The following INPP5A variants were observed in gnomAD, a reference collection of about 807,000 sequenced individuals.
INPP5A encodes inositol polyphosphate-5-phosphatase A.
In INPP5A, 14 loss-of-function variants were observed where a neutral mutation model predicts 65.2. The ratio of observed to expected loss-of-function variants is 0.21; its 90% confidence interval spans 0.14 to 0.34. The LOEUF (loss-of-function observed/expected upper bound fraction) is 0.34. Ranked by LOEUF, INPP5A falls within the 10% of genes least tolerant of loss-of-function variation. The pLI is 1.00. For synonymous variants in INPP5A, 207 were observed against 208.3 expected (o/e 0.99, Z 0.05); for missense variants, 431 against 545.6 (o/e 0.79, Z 2.09).
chr10:132,657,259 C>G (rs954790214), intron 4 of INPP5A, among the ~76,000 whole-genome samples: 5 of 152,258 alleles, frequency 3.3e-5, no homozygotes, highest in African/African-American at 1.2e-4. Flanking sequence ...CTCCCACCCG[C>G]TAGCGCTGCC....
intron 8 of INPP5A, among the ~76,000 whole-genome samples, chr10:132,723,704 C>G (rs975894218): frequency 3.1e-4 from 47 of 151,990 alleles, no homozygotes; most frequent in Admixed American, 5.9e-4. Context: ...GTGGGGATGG[C>G]TTTGGTATCT....
At chr10:132,599,890 C>T (rs1434437007) in intron 1 of INPP5A, among the ~76,000 whole-genome samples, 1 of 152,188 alleles carries the variant, frequency 6.6e-6, no homozygotes, top group African/African-American at 2.4e-5. Context: ...GTATGTTGGC[C>T]CCTTTTAGCC....
intron 1 of INPP5A, among the ~76,000 whole-genome samples, chr10:132,566,889 G>A (rs1316642299): frequency 2.6e-5 from 4 of 152,202 alleles, no homozygotes; most frequent in Admixed American, 1.3e-4. Flanking sequence ...ATGGAGAGAC[G>A]TTACTTGCAA....
chr10:132,721,744 T>G (rs1216677779), intron 8 of INPP5A, among the ~76,000 whole-genome samples: 1 of 151,392 alleles, frequency 6.6e-6, no homozygotes, highest in Admixed American at 6.6e-5. Flanking sequence ...TCTTCAGGGT[T>G]CTGTGGTGCC....
At position 132,623,174 on chromosome 10, in the gene INPP5A, C is replaced by T. The variant is rs192161049; in HGVS notation, c.117+15218C>T. 1.1e-3 allele frequency among the ~76,000 whole-genome samples: 170 copies of T among 152,204 alleles called. 1 individual carries two copies. Among genetic ancestry groups the T allele is most frequent in the Admixed American group, 2.6e-3 (40 of 15,292 alleles). ...AAATATACACAGGAAAGCAAAAGAACTAGAATAGCCAGAACAGTTAAAAAG... is the reference window on the plus strand; with the variant it reads ...AAATATACACAGGAAAGCAAAAGAATTAGAATAGCCAGAACAGTTAAAAAG... On this transcript the variant is annotated intron_variant, in intron 2 of 15. Coordinates refer to ENST00000368594, the MANE Select transcript of INPP5A (RefSeq NM_005539.5).
rs139503126 is a variant in INPP5A, at chr10:132,651,996, A to G, written c.306+1491A>G. ...CAAGGCCCTCACCCCTGTGCTCAGG[A>G]TGTAGCTCCTCCTGTCAGCCTTCCT... On this transcript the variant is annotated intron_variant, in intron 4 of 15. Coordinates refer to ENST00000368594, the MANE Select transcript of INPP5A (RefSeq NM_005539.5). The surrounding 1 kb of genome is among the most constrained non-coding windows in gnomAD (Gnocchi z 5.0). Among the ~76,000 whole-genome samples the G allele has an allele frequency of 8.0e-3, 1,213 of 152,086 alleles. 15 individuals are homozygous for G. Among genetic ancestry groups the G allele is most frequent in the African/African-American group, 0.028 (1,162 of 41,458 alleles).
intron 1 of INPP5A, among the ~76,000 whole-genome samples, chr10:132,559,112 C>T (rs530930137): frequency 1.3e-5 from 2 of 152,336 alleles, no homozygotes; most frequent in South Asian, 4.1e-4. Flanking sequence ...TGGCCACTCA[C>T]TGCCTCATGG....
intron 4 of INPP5A, among the ~76,000 whole-genome samples, chr10:132,660,049 G>A (rs2072715813): frequency 6.6e-6 from 1 of 152,206 alleles, no homozygotes; most frequent in Non-Finnish European, 1.5e-5. Context: ...CCGCCGACGC[G>A]TGGCCCACGG....
intron 4 of INPP5A, among the ~76,000 whole-genome samples, chr10:132,660,343 C>A (rs1167122859): frequency 6.6e-6 from 1 of 152,106 alleles, no homozygotes. Context: ...AAAATAATTG[C>A]CTCTGGGAAC....
chr10:132,676,347 C>T lies in INPP5A; in HGVS notation c.307-14045C>T, dbSNP rs1215353430. ...AAAGGCTCTGGGGCGTCACGTCTCC[C>T]TGTGGCCGAGGCTGCTGTTGTCTGG... On this transcript the variant is annotated intron_variant, in intron 4 of 15. Coordinates refer to ENST00000368594, the MANE Select transcript of INPP5A (RefSeq NM_005539.5). This position sits in a 1 kb window ranked among gnomAD's most constrained non-coding sequence, Gnocchi z 4.0. Among the ~76,000 whole-genome samples, 1 of 152,168 alleles carries T rather than the reference C, an allele frequency of 6.6e-6. No individual in the cohort carries two copies. The highest frequency in any genetic ancestry group is 1.5e-5 in the Non-Finnish European group (1 of 68,042).
intron 9 of INPP5A, among the ~76,000 whole-genome samples, chr10:132,733,789 T>G (rs1203091417): frequency 6.6e-6 from 1 of 152,220 alleles, no homozygotes; most frequent in African/African-American, 2.4e-5. Context: ...TGCCGGCCTC[T>G]GCACCTGAAC....
intron 9 of INPP5A, among the ~76,000 whole-genome samples, chr10:132,737,328 G>A (rs1057336949): frequency 4.6e-5 from 7 of 152,142 alleles, no homozygotes; most frequent in African/African-American, 1.2e-4. Context: ...CCTCAGCACC[G>A]TCTCCAGAGC....
intron 11 of INPP5A, among the ~76,000 whole-genome samples, chr10:132,752,697 GGGTGCGGCGTGGAGGC>G (rs1846517414): frequency 6.8e-6 from 1 of 147,696 alleles, no homozygotes; most frequent in Non-Finnish European, 1.5e-5. Context: ...GGCATGGAGG[GGGTGCGGCGTGGAGGC>G]GGTGCGGCAT....
chr10:132,658,873 C>T (rs1203743881), intron 4 of INPP5A, among the ~76,000 whole-genome samples: 1 of 152,050 alleles, frequency 6.6e-6, no homozygotes, highest in Non-Finnish European at 1.5e-5. Flanking sequence ...CCCGGTGGCT[C>T]CATGCACCCG....
At chr10:132,594,519 A>T (rs1419624211) in intron 1 of INPP5A, among the ~76,000 whole-genome samples, 1 of 149,870 alleles carries the variant, frequency 6.7e-6, no homozygotes, top group Non-Finnish European at 1.5e-5. Flanking sequence ...GTGCGTTTGC[A>T]TGCCTGTGCA....
In INPP5A at chr10:132,727,538, C is replaced by T. The variant is rs546337898; in HGVS notation, c.732+633C>T. On this transcript the variant is annotated intron_variant, in intron 9 of 15. Coordinates refer to ENST00000368594, the MANE Select transcript of INPP5A (RefSeq NM_005539.5). The surrounding 1 kb of genome is among the most constrained non-coding windows in gnomAD (Gnocchi z 6.5). ...GGGCCTCTAGGCTCAGTGCAAGGGC[C>T]GATGTTTCTCTGTGGTCCAGTCCAC... is the stretch of plus-strand genomic sequence containing the variant. Among the ~76,000 whole-genome samples the T allele has an allele frequency of 1.1e-4, 17 of 152,022 alleles. No individual in the cohort carries two copies. The East Asian group carries it at 3.3e-3, about 29-fold the overall frequency.
intron 11 of INPP5A, 33 bp downstream of exon 11, chr10:132,749,878 G>A (rs757783765): frequency 1.8e-5 from 29 of 1,586,456 alleles, no homozygotes; most frequent in Non-Finnish European, 2.3e-5. Flanking sequence ...CAGCTCCCCC[G>A]TCCTGGGACA....
At position 132,663,286 on chromosome 10, in the gene INPP5A, A is replaced by G. The variant is rs980614793; in HGVS notation, c.306+12781A>G. 8.5e-5 allele frequency among the ~76,000 whole-genome samples: 13 copies of G among 152,174 alleles called. No individual in the cohort carries two copies. Among genetic ancestry groups the G allele is most frequent in the African/African-American group, 1.9e-4 (8 of 41,444 alleles). Reference sequence around the variant, plus strand: ...GCCCAGGCTGGAGTGCAGTAGTGCAATCGTGGCTTACTGCAGCCTTGAACT... The same window carrying G: ...GCCCAGGCTGGAGTGCAGTAGTGCAGTCGTGGCTTACTGCAGCCTTGAACT... On this transcript the variant is annotated intron_variant, in intron 4 of 15. Transcript: ENST00000368594. This position sits in a 1 kb window ranked among gnomAD's most constrained non-coding sequence, Gnocchi z 4.5.
intron 2 of INPP5A, among the ~76,000 whole-genome samples, chr10:132,632,738 A>G (rs893784258): frequency 6.6e-6 from 1 of 152,218 alleles, no homozygotes; most frequent in Admixed American, 6.5e-5. Flanking sequence ...ATTAAAACCA[A>G]AGGCAATAAA....
Sources: gnomAD v4.1 joint callset for allele counts (sites outside exome capture counted in the v4.1 genomes callset) on GRCh38, gnomAD v4.1.1 for gene constraint, Gnocchi (gnomAD v3.1) non-coding constraint, MANE v1.5 for transcripts, NCBI Gene and HGNC (gene_info 2026-07-23, HGNC 2026-07-21) for gene names.